The following CCDC7 variants were observed in gnomAD, a reference collection of about 807,000 sequenced individuals.
CCDC7 encodes coiled-coil domain-containing protein 7.
A neutral mutation model predicts 196.9 loss-of-function variants in CCDC7; 183 were observed. The observed-to-expected ratio is 0.93, with a 90% CI of 0.82 to 1.05. CCDC7 has a LOEUF of 1.05. Among genes scored for constraint, CCDC7 ranks in the 50% least tolerant of loss-of-function variants. CCDC7 has a pLI of 0.00. For synonymous variants in CCDC7, 525 were observed against 484.6 expected, an observed-to-expected ratio of 1.08 and a Z score of -1.10; for missense variants, 1,540 against 1,482.2, an observed-to-expected ratio of 1.04 and a Z score of -0.64.
intron 28 of CCDC7, among the ~76,000 whole-genome samples, chr10:32,771,339 G>T (rs2079126801): frequency 6.6e-6 from 1 of 152,048 alleles, no homozygotes; most frequent in South Asian, 2.1e-4. Flanking sequence ...AGTTTTGCAG[G>T]ATACAAAACT....
intron 13 of CCDC7, among the ~76,000 whole-genome samples, chr10:32,556,293 A>T (rs2054331522): frequency 6.6e-6 from 1 of 152,228 alleles, no homozygotes; most frequent in African/African-American, 2.4e-5. Context: ...AAGAGACGCC[A>T]TATAATTCAA....
At chr10:32,838,010 C>T (rs141927636) in intron 33 of CCDC7, among the ~76,000 whole-genome samples, 13,345 of 151,698 alleles carry the variant, frequency 0.088, 861 homozygotes, top group East Asian at 0.33. Context: ...ACCAACATGG[C>T]GCATGTATAC....
intron 18 of CCDC7, among the ~76,000 whole-genome samples, chr10:32,588,625 T>C (rs1455842768): frequency 1.3e-5 from 2 of 152,294 alleles, no homozygotes; most frequent in East Asian, 3.9e-4. Flanking sequence ...TTTTTAAAAA[T>C]AATGTCTTTT....
chr10:32,709,556 A>T (rs975756104), intron 24 of CCDC7, among the ~76,000 whole-genome samples: 5 of 152,196 alleles, frequency 3.3e-5, no homozygotes, highest in Non-Finnish European at 5.9e-5. Context: ...TTGTGTTCCT[A>T]TGGAAATCTA....
At chr10:32,753,737 T>C (rs567896024) in intron 28 of CCDC7, among the ~76,000 whole-genome samples, 32 of 152,316 alleles carry the variant, frequency 2.1e-4, no homozygotes, top group Admixed American at 1.4e-3. Flanking sequence ...CCAGAAATTC[T>C]TAAATTACTC....
At chr10:32,474,168 T>C (rs1328988406) in intron 8 of CCDC7, 145 bp downstream of exon 9, 2 of 594,640 alleles carry the variant, frequency 3.4e-6, no homozygotes, top group East Asian at 8.0e-5. Context: ...CAAGCAAGTA[T>C]TGAAATTCTT....
chr10:32,566,922 A>G (rs2056887333), intron 14 of CCDC7, among the ~76,000 whole-genome samples: 1 of 146,582 alleles, frequency 6.8e-6, no homozygotes, highest in African/African-American at 2.5e-5. Context: ...TATATATTAT[A>G]TATATTATAA....
At chr10:32,676,634 G>A (rs1037434823) in intron 21 of CCDC7, among the ~76,000 whole-genome samples, 1 of 152,038 alleles carries the variant, frequency 6.6e-6, no homozygotes, top group African/African-American at 2.4e-5. Flanking sequence ...CACCATCACT[G>A]GCCATCAGAG....
downstream of CCDC7, among the ~76,000 whole-genome samples, chr10:32,878,160 G>A (rs1387770241): frequency 1.3e-5 from 2 of 152,058 alleles, no homozygotes; most frequent in Non-Finnish European, 1.5e-5. Context: ...TGACTCATAT[G>A]TGGCTCTTGG....
chr10:32,515,201 A>G (rs1410294353), intron 9 of CCDC7, among the ~76,000 whole-genome samples: 2 of 152,210 alleles, frequency 1.3e-5, no homozygotes, highest in African/African-American at 4.8e-5. Flanking sequence ...ATTCCAGCTG[A>G]CATTTTTAAA....
At chr10:32,518,204 C>G (rs1272413646) in intron 10 of CCDC7, among the ~76,000 whole-genome samples, 11 of 151,898 alleles carry the variant, frequency 7.2e-5, no homozygotes, top group Non-Finnish European at 1.3e-4. Context: ...CTATAATATC[C>G]TACAGTCATC....
chr10:32,760,758 A>C (rs10715324), intron 28 of CCDC7, among the ~76,000 whole-genome samples: 1 of 138,414 alleles, frequency 7.2e-6, no homozygotes. Context: ...TAATAAAATT[A>C]AAAAAAAAAG....
chr10:32,644,668 C>G (rs1437664305), intron 20 of CCDC7, among the ~76,000 whole-genome samples: 3 of 152,198 alleles, frequency 2.0e-5, no homozygotes, highest in African/African-American at 7.2e-5. Flanking sequence ...TTCCCCCATA[C>G]TGCTGCTAGT....
chr10:32,456,271 A>G (rs1564619155), exon 3 of CCDC7: 5 of 1,565,596 alleles, frequency 3.2e-6, no homozygotes, highest in Non-Finnish European at 4.4e-6. Flanking sequence ...ATATGAATTC[A>G]TTCTTGACAT....
chr10:32,511,836 G>T, intron 9 of CCDC7: 3 of 781,880 alleles, frequency 3.8e-6, no homozygotes, highest in Non-Finnish European at 6.5e-6. Flanking sequence ...GCCACCAGCG[G>T]CGCTTTCCGA....
At chr10:32,851,427 T>G (rs999070552) in intron 39 of CCDC7, among the ~76,000 whole-genome samples, 3 of 152,230 alleles carry the variant, frequency 2.0e-5, no homozygotes, top group African/African-American at 7.2e-5. Context: ...TTTGATGTAA[T>G]TTTGATCTTA....
intron 24 of CCDC7, among the ~76,000 whole-genome samples, chr10:32,696,041 G>A (rs991409065): frequency 2.0e-5 from 3 of 151,578 alleles, no homozygotes; most frequent in Admixed American, 6.6e-5. Context: ...GTTTTTAAGA[G>A]ACAAAGACAC....
intron 18 of CCDC7, among the ~76,000 whole-genome samples, chr10:32,607,168 C>T (rs758351759): frequency 2.5e-4 from 38 of 152,242 alleles, no homozygotes; most frequent in Admixed American, 5.2e-4. Flanking sequence ...GACACTGGCT[C>T]CCCCTTTGCC....
chr10:32,469,653 C>T (rs959021846), intron 5 of CCDC7, among the ~76,000 whole-genome samples: 2 of 152,150 alleles, frequency 1.3e-5, no homozygotes, highest in Non-Finnish European at 1.5e-5. Context: ...GATTTTGCTA[C>T]GAAGTTCTGG....
Sources: gnomAD v4.1 joint callset for allele counts (sites outside exome capture counted in the v4.1 genomes callset) on GRCh38, gnomAD v4.1.1 for gene constraint, MANE v1.5 for transcripts, NCBI Gene and HGNC (gene_info 2026-07-23, HGNC 2026-07-21) for gene names.